SPAG16: variants seen among roughly 807,000 people sequenced by gnomAD.
SPAG16 encodes sperm-associated antigen 16 protein.
In SPAG16, 86 loss-of-function variants were observed where a neutral mutation model predicts 80.4. The observed-to-expected ratio is 1.07, with a 90% CI of 0.90 to 1.28. The LOEUF (loss-of-function observed/expected upper bound fraction) is 1.28, where lower values mean the gene tolerates loss of function less well. SPAG16 is among the 50% of genes most tolerant of loss of function. SPAG16 has a pLI of 0.00. For synonymous variants in SPAG16, 294 were observed against 265.9 expected (o/e 1.11, Z -1.03); for missense variants, 870 against 765.3 (o/e 1.14, Z -1.61).
chr2:213,790,579 G>A (rs2070633317), intron 10 of SPAG16, among the ~76,000 whole-genome samples: 1 of 151,548 alleles, frequency 6.6e-6, no homozygotes, highest in Non-Finnish European at 1.5e-5. Context: ...TCTTCTAACA[G>A]TTATTATAAT....
intron 15 of SPAG16, among the ~76,000 whole-genome samples, chr2:214,329,427 A>AGAT (rs1696731539): frequency 6.6e-6 from 1 of 152,278 alleles, no homozygotes; most frequent in South Asian, 2.1e-4. Flanking sequence ...ACAAATGAAT[A>AGAT]GATAACATAG....
chr2:214,252,821 T>C (rs1332066520), intron 15 of SPAG16, among the ~76,000 whole-genome samples: 1 of 152,088 alleles, frequency 6.6e-6, no homozygotes, highest in African/African-American at 2.4e-5. Flanking sequence ...AGTAATGAGA[T>C]TGCTGGGTCA....
At chr2:214,178,972 C>G (rs914192381) in intron 15 of SPAG16, among the ~76,000 whole-genome samples, 1 of 151,136 alleles carries the variant, frequency 6.6e-6, no homozygotes, top group Non-Finnish European at 1.5e-5. Context: ...GACGTATGAA[C>G]ATTTCTTTTG....
chr2:214,333,981 G>T (rs527311980), intron 15 of SPAG16, among the ~76,000 whole-genome samples: 1 of 152,082 alleles, frequency 6.6e-6, no homozygotes, highest in South Asian at 2.1e-4. Flanking sequence ...ATTCTTCCAG[G>T]GCTATTGCCA....
At chr2:213,755,222 TATCA>T (rs1215868465) in intron 10 of SPAG16, among the ~76,000 whole-genome samples, 8 of 152,196 alleles carry the variant, frequency 5.3e-5, no homozygotes, top group Non-Finnish European at 1.0e-4. Context: ...ATTCCAGGGT[TATCA>T]ATCCATGCAT....
rs565322543 is a variant in SPAG16, at chr2:213,625,273, A to G, written c.1070+135183A>G. 5.9e-5 allele frequency among the ~76,000 whole-genome samples: 9 copies of G among 152,192 alleles called. 1 individual carries two copies. The South Asian group carries it at 1.9e-3, about 32-fold the overall frequency. On this transcript the variant is annotated intron_variant, in intron 10 of 15. Coordinates refer to ENST00000331683, the MANE Select transcript of SPAG16 (RefSeq NM_024532.5). ...TTCTGCTTCTGAAGAGGCCTCAGGAAACTTACAATCATGGCAGAAGGGGAA... is the reference window on the plus strand; with the variant it reads ...TTCTGCTTCTGAAGAGGCCTCAGGAGACTTACAATCATGGCAGAAGGGGAA...
chr2:213,898,083 C>G (rs1302350493), intron 11 of SPAG16, among the ~76,000 whole-genome samples: 2 of 152,064 alleles, frequency 1.3e-5, no homozygotes, highest in Non-Finnish European at 2.9e-5. Flanking sequence ...TATAGAATCA[C>G]AGTAAGGAGA....
chr2:213,894,844 G>T (rs2076925819), intron 11 of SPAG16, among the ~76,000 whole-genome samples: 1 of 151,752 alleles, frequency 6.6e-6, no homozygotes, highest in South Asian at 2.1e-4. Context: ...CAAAAAATTA[G>T]CCAGGCTTGG....
In SPAG16 at chr2:213,290,793, T is replaced by C. The variant is rs1373936367; in HGVS notation, c.137-5271T>C. Reference sequence around the variant, plus strand: ...TAGAACCAGAGTGTACAGAGTTTTATCATTCTTGACGAATTAACCTTTTCT... The same window carrying C: ...TAGAACCAGAGTGTACAGAGTTTTACCATTCTTGACGAATTAACCTTTTCT... On this transcript the variant is annotated intron_variant, in intron 1 of 15. Transcript: ENST00000331683. Among the ~76,000 whole-genome samples, 5 of 152,346 alleles carry C rather than the reference T, an allele frequency of 3.3e-5. No individual in the cohort carries two copies. In the South Asian group the frequency reaches 1.0e-3, roughly 32 times the overall value.
intron 10 of SPAG16, among the ~76,000 whole-genome samples, chr2:213,851,464 C>T (rs931424356): frequency 6.6e-5 from 10 of 152,248 alleles, no homozygotes; most frequent in Admixed American, 4.6e-4. Flanking sequence ...GCCAAGATTG[C>T]GCCACTGCAC....
rs939686320 is a variant in SPAG16 at position 213,578,143 on chromosome 2, G to A, written c.1070+88053G>A. The stretch of plus-strand genomic sequence containing the variant: ...AGAGGCTGATTGCAGACAAGTACCC[G>A]AAACATGACCACTGTAATCTGCCAT... On this transcript the variant is annotated intron_variant, in intron 10 of 15. Coordinates refer to ENST00000331683, the MANE Select transcript of SPAG16 (RefSeq NM_024532.5). Among the ~76,000 whole-genome samples, 5 of 152,118 alleles carry A rather than the reference G, an allele frequency of 3.3e-5. No homozygotes were observed. In the South Asian group the frequency reaches 8.3e-4, roughly 25 times the overall value.
At chr2:213,655,108 TA>T in intron 10 of SPAG16, among the ~76,000 whole-genome samples, 1 of 152,306 alleles carries the variant, frequency 6.6e-6, no homozygotes, top group Non-Finnish European at 1.5e-5. Flanking sequence ...GGGTGAACTC[TA>T]ATGTGAAAGT....
chr2:214,257,539 T>C (rs1375464001), intron 15 of SPAG16, among the ~76,000 whole-genome samples: 1 of 152,092 alleles, frequency 6.6e-6, no homozygotes, highest in Admixed American at 6.6e-5. Context: ...GCTAAGAGTG[T>C]TATGAATGAG....
intron 15 of SPAG16, among the ~76,000 whole-genome samples, chr2:214,253,215 A>G (rs1690429670): frequency 6.6e-6 from 1 of 151,832 alleles, no homozygotes; most frequent in Admixed American, 6.6e-5. Context: ...CCTTTGTCCA[A>G]TGGGTAGATT....
In SPAG16 at chr2:214,052,739, G is replaced by A. The variant is rs148920987; in HGVS notation, c.1527+38662G>A. ...ATATGCTGATACCCAATCTCAATGT[G>A]AGACTGATTTTTCTTCTCATACTTC... On this transcript the variant is annotated intron_variant, in intron 13 of 15. Transcript: ENST00000331683. Among the ~76,000 whole-genome samples the A allele has an allele frequency of 2.6e-4, 39 of 152,198 alleles. No individual in the cohort carries two copies. The East Asian group carries it at 6.8e-3, about 26-fold the overall frequency.
intron 10 of SPAG16, among the ~76,000 whole-genome samples, chr2:213,580,124 T>C (rs1231353530): frequency 6.6e-6 from 1 of 152,010 alleles, no homozygotes; most frequent in Non-Finnish European, 1.5e-5. Context: ...AAGACCCTTA[T>C]TCCAGAGGTG....
chr2:214,309,563 G>GT (rs60357532), intron 15 of SPAG16, among the ~76,000 whole-genome samples: 55 of 149,744 alleles, frequency 3.7e-4, no homozygotes, highest in East Asian at 7.8e-4. Flanking sequence ...CTTTGGATAG[G>GT]TTTTTTTTTT....
chr2:213,840,201 G>C (rs1294551245), intron 10 of SPAG16, among the ~76,000 whole-genome samples: 3 of 152,116 alleles, frequency 2.0e-5, no homozygotes, highest in African/African-American at 7.2e-5. Flanking sequence ...TTTAATCGTT[G>C]ACTTTAATAA....
chr2:213,562,557 G>T (rs1280212252), intron 10 of SPAG16, among the ~76,000 whole-genome samples: 1 of 152,202 alleles, frequency 6.6e-6, no homozygotes, highest in Non-Finnish European at 1.5e-5. Flanking sequence ...CAAGATTAGG[G>T]TGCTGGCAGA....
Sources: allele counts gnomAD v4.1 joint callset (sites outside exome capture counted in the v4.1 genomes callset), GRCh38; gene constraint gnomAD v4.1.1; transcripts MANE v1.5; gene names NCBI Gene and HGNC (gene_info 2026-07-23, HGNC 2026-07-21).